The following COMMD10 variants were observed in gnomAD, a reference collection of about 807,000 sequenced individuals.
The protein encoded by COMMD10 is COMM domain-containing protein 10.
COMMD10 carries 33 observed loss-of-function variants against 28.9 expected under a neutral mutation model. The ratio of observed to expected loss-of-function variants is 1.14; its 90% confidence interval spans 0.87 to 1.53. The LOEUF (loss-of-function observed/expected upper bound fraction) is 1.53. COMMD10 is among the 40% of genes most tolerant of loss of function. The probability of loss-of-function intolerance (pLI) is 0.00; values close to 1 mark genes in which losing one functional copy is unlikely to be tolerated. For missense variants in COMMD10, 310 were observed against 233.4 expected (o/e 1.33, Z -2.14); for synonymous variants, 110 against 81.7 (o/e 1.35, Z -1.87).
At chr5:116,114,233 A>G (rs961380427) in intron 4 of COMMD10, among the ~76,000 whole-genome samples, 1 of 152,048 alleles carries the variant, frequency 6.6e-6, no homozygotes, top group Non-Finnish European at 1.5e-5. Flanking sequence ...TGGCAGTTCC[A>G]TGCAGGCTGA....
rs1025428050 is a variant in COMMD10, at chr5:116,138,345, A to G, written c.510+4167A>G. On this transcript the variant is annotated intron_variant, in intron 5 of 6. Transcript: ENST00000274458. Reference sequence around the variant, plus strand: ...ATAAAATAGTCCATAAGATAATTGAATGGCTCTATTAGGTTATGATGTAAC... The same window carrying G: ...ATAAAATAGTCCATAAGATAATTGAGTGGCTCTATTAGGTTATGATGTAAC... Among the ~76,000 whole-genome samples, 4 of 152,012 alleles carry G rather than the reference A, an allele frequency of 2.6e-5. No individual in the cohort carries two copies. The Middle Eastern group carries it at 0.01, about 388-fold the overall frequency.
At chr5:116,203,850 A>G (rs1203020856) in intron 5 of COMMD10, among the ~76,000 whole-genome samples, 1 of 152,130 alleles carries the variant, frequency 6.6e-6, no homozygotes, top group African/African-American at 2.4e-5. Flanking sequence ...CACAATAACC[A>G]GCTAACATCA....
At chr5:116,201,672 T>G (rs1393731786) in intron 5 of COMMD10, among the ~76,000 whole-genome samples, 59 of 152,240 alleles carry the variant, frequency 3.9e-4, no homozygotes, top group African/African-American at 1.2e-3. Flanking sequence ...GCTTCTTACA[T>G]GCCAGACCAG....
At chr5:116,289,691 G>T (rs925396944) in intron 5 of COMMD10, among the ~76,000 whole-genome samples, 6 of 151,832 alleles carry the variant, frequency 4.0e-5, no homozygotes, top group Non-Finnish European at 5.9e-5. Flanking sequence ...GTTCTTCTTG[G>T]TTGCTCCGCT....
Position 116,263,605 on chromosome 5 carries a change from T to C in COMMD10, c.511-27912T>C, listed in dbSNP as rs143679891. ...TGCTCTCTCTCTGAAGTCTGCTCTCTGAGAGATTCCTCTGCCCAATAAAAC... is the reference window on the plus strand; with the variant it reads ...TGCTCTCTCTCTGAAGTCTGCTCTCCGAGAGATTCCTCTGCCCAATAAAAC... On this transcript the variant is annotated intron_variant, in intron 5 of 6. Coordinates refer to ENST00000274458, the MANE Select transcript of COMMD10 (RefSeq NM_016144.4). 1.6e-3 allele frequency among the ~76,000 whole-genome samples: 240 copies of C among 151,840 alleles called. 5 individuals carry two copies. The highest frequency in any genetic ancestry group is 5.5e-3 in the African/African-American group (225 of 41,238).
chr5:116,206,178 TGAAG>T (rs1748809193), intron 5 of COMMD10, among the ~76,000 whole-genome samples: 1 of 152,232 alleles, frequency 6.6e-6, no homozygotes, highest in African/African-American at 2.4e-5. Flanking sequence ...ACAAAATTCA[TGAAG>T]GAAATTTGTA....
chr5:116,170,919 G>A (rs1205521527), intron 5 of COMMD10, among the ~76,000 whole-genome samples: 5 of 152,218 alleles, frequency 3.3e-5, no homozygotes, highest in Non-Finnish European at 7.4e-5. Flanking sequence ...TCAAGACATA[G>A]GCATGGGCCA....
intron 5 of COMMD10, among the ~76,000 whole-genome samples, chr5:116,203,909 A>G (rs7704082): frequency 0.079 from 11,971 of 152,136 alleles, 901 homozygotes; most frequent in African/African-American, 0.19. Flanking sequence ...TTAAATGTAA[A>G]TGGACTAAAT....
chr5:116,273,306 A>G (rs1235703264), intron 5 of COMMD10, among the ~76,000 whole-genome samples: 1 of 151,814 alleles, frequency 6.6e-6, no homozygotes, highest in Non-Finnish European at 1.5e-5. Flanking sequence ...ATGTATCTTA[A>G]TTCCCTATTC....
At chr5:116,140,231 ATG>A (rs3072964) in intron 5 of COMMD10, among the ~76,000 whole-genome samples, 14 of 147,076 alleles carry the variant, frequency 9.5e-5, no homozygotes, top group Admixed American at 1.3e-4. Flanking sequence ...TCATACTACT[ATG>A]TGTGTGTGTG....
At chr5:116,138,144 A>G (rs1227525236) in intron 5 of COMMD10, among the ~76,000 whole-genome samples, 2 of 151,916 alleles carry the variant, frequency 1.3e-5, no homozygotes, top group African/African-American at 2.4e-5. Context: ...TCCATAAACA[A>G]AATTAATGCT....
intron 4 of COMMD10, among the ~76,000 whole-genome samples, chr5:116,103,859 C>T (rs904844115): frequency 5.3e-5 from 8 of 152,146 alleles, no homozygotes; most frequent in African/African-American, 1.7e-4. Flanking sequence ...TTTCACTTTT[C>T]CACACAGGGC....
intron 5 of COMMD10, among the ~76,000 whole-genome samples, chr5:116,135,395 T>A (rs1198723756): frequency 3.3e-5 from 5 of 152,252 alleles, no homozygotes; most frequent in Admixed American, 2.6e-4. Context: ...TCTGTGGAAT[T>A]GACTTGAGTC....
chr5:116,194,607 G>C (rs62384231), intron 5 of COMMD10, among the ~76,000 whole-genome samples: 16,092 of 152,086 alleles, frequency 0.11, 941 homozygotes, highest in African/African-American at 0.15. Context: ...AACTCTCTTA[G>C]CTGCTTACAT....
In COMMD10 at chr5:116,085,038, G is replaced by A. The variant is rs1484162986; in HGVS notation, c.-15G>A. ...GGCGCAGCTAACAGACGGCGGCAGT[G>A]CGAGAAAGCCGAAGATGGCGGTCCC... On this transcript the variant is annotated 5_prime_UTR_variant, in exon 1 of 7. Transcript: ENST00000274458. 1.9e-6 allele frequency: 3 copies of A among 1,605,346 alleles called. No homozygotes were observed. The highest frequency in any genetic ancestry group is 2.5e-6 in the Non-Finnish European group (3 of 1,177,580).
intron 5 of COMMD10, among the ~76,000 whole-genome samples, chr5:116,274,016 T>C (rs1278100617): frequency 1.3e-5 from 2 of 151,752 alleles, no homozygotes; most frequent in Non-Finnish European, 1.5e-5. Flanking sequence ...AGCTAAGTGA[T>C]GTATTTTATT....
At chr5:116,229,312 A>G (rs541514882) in intron 5 of COMMD10, among the ~76,000 whole-genome samples, 1 of 152,124 alleles carries the variant, frequency 6.6e-6, no homozygotes, top group South Asian at 2.1e-4. Flanking sequence ...TTCATATGTA[A>G]TAAAACCACT....
intron 5 of COMMD10, among the ~76,000 whole-genome samples, chr5:116,211,847 A>T (rs1275849070): frequency 2.6e-5 from 4 of 152,152 alleles, no homozygotes; most frequent in African/African-American, 9.7e-5. Context: ...TTTTACAATG[A>T]TATTTAAAAC....
At chr5:116,151,276 G>C (rs533928643) in intron 5 of COMMD10, among the ~76,000 whole-genome samples, 23 of 151,778 alleles carry the variant, frequency 1.5e-4, no homozygotes, top group African/African-American at 5.3e-4. Flanking sequence ...TTTTATTGAG[G>C]ATTTTTGCAT....
Sources: allele counts gnomAD v4.1 joint callset (sites outside exome capture counted in the v4.1 genomes callset), GRCh38; gene constraint gnomAD v4.1.1; transcripts MANE v1.5; gene names NCBI Gene and HGNC (gene_info 2026-07-23, HGNC 2026-07-21).